The following BTBD9 variants were observed in gnomAD, a reference collection of about 807,000 sequenced individuals.
BTBD9 encodes BTB/POZ domain-containing protein 9.
BTBD9 carries 49 observed loss-of-function variants against 64.3 expected under a neutral mutation model. The ratio of observed to expected loss-of-function variants is 0.76; its 90% CI spans 0.61 to 0.97. BTBD9 has a LOEUF of 0.97. Among genes scored for constraint, BTBD9 ranks in the 50% least tolerant of loss-of-function variants. BTBD9 has a pLI of 0.00. For missense variants in BTBD9, 598 were observed against 762.1 expected (o/e 0.78, Z 2.53); for synonymous variants, 260 against 274.7 (o/e 0.95, Z 0.53).
intron 6 of BTBD9, among the ~76,000 whole-genome samples, chr6:38,550,688 C>A (rs1774758021): frequency 6.6e-6 from 1 of 152,134 alleles, no homozygotes; most frequent in Admixed American, 6.5e-5. Flanking sequence ...ATGGCAGAAT[C>A]TAAAGCAATC....
chr6:38,226,423 C>G (rs1321533877), intron 9 of BTBD9, among the ~76,000 whole-genome samples: 3 of 152,100 alleles, frequency 2.0e-5, no homozygotes, highest in African/African-American at 7.2e-5. Flanking sequence ...TGCTGCTGCT[C>G]CAACTCTGCA....
intron 1 of BTBD9, among the ~76,000 whole-genome samples, chr6:38,636,909 C>T (rs1778545736): frequency 6.6e-6 from 1 of 152,152 alleles, no homozygotes; most frequent in Admixed American, 6.5e-5. Flanking sequence ...GGAATGGGTT[C>T]TTGAGATGAG....
rs952607609 is a variant in BTBD9 at position 38,505,918 on chromosome 6, T to C, written c.1154+71682A>G. Among the ~76,000 whole-genome samples the C allele has an allele frequency of 5.2e-5, 7 of 134,986 alleles. No individual in the cohort carries two copies. The East Asian group carries it at 1.6e-3, about 31-fold the overall frequency. The allele number at this position is 134,986 out of a possible 152,430, so 88.6% of individuals were successfully genotyped here. A position where few individuals can be genotyped will look rare whatever the true frequency, so the allele number is the denominator to read the frequency against. ...AGGCAGAGGTTGCAGTGAGCTGAGA[T>C]TGTGCCACCGCATTCCAGCCTGGCA... On this transcript the variant is annotated intron_variant, in intron 6 of 10. Transcript: ENST00000481247.
chr6:38,245,727 G>T (rs150022525), intron 9 of BTBD9, among the ~76,000 whole-genome samples: 1 of 152,294 alleles, frequency 6.6e-6, no homozygotes, highest in Non-Finnish European at 1.5e-5. Context: ...AGTCAGTAGA[G>T]TGGAGTGGAA....
At chr6:38,630,587 A>C (rs1778329983) in intron 1 of BTBD9, among the ~76,000 whole-genome samples, 1 of 152,244 alleles carries the variant, frequency 6.6e-6, no homozygotes, top group Non-Finnish European at 1.5e-5. Context: ...TTATAAAAGA[A>C]TTCTTTGTAC....
intron 6 of BTBD9, among the ~76,000 whole-genome samples, chr6:38,534,147 A>G (rs1773914333): frequency 6.6e-6 from 1 of 152,072 alleles, no homozygotes; most frequent in Non-Finnish European, 1.5e-5. Context: ...CTAAGAAAAA[A>G]AGAGAGAAGA....
chr6:38,512,150 T>A (rs953502340), intron 6 of BTBD9, among the ~76,000 whole-genome samples: 1 of 152,160 alleles, frequency 6.6e-6, no homozygotes, highest in African/African-American at 2.4e-5. Flanking sequence ...ATTTTGTATT[T>A]TTAGTAGAGA....
At chr6:38,595,706 C>T in intron 2 of BTBD9, 1 of 939,708 alleles carries the variant, frequency 1.1e-6, no homozygotes, top group Non-Finnish European at 1.3e-6. Context: ...ACCTAGCATT[C>T]TTGCTTGCCC....
At position 38,172,326 on chromosome 6, in the gene BTBD9, G is replaced by C. The variant is rs1304018490; in HGVS notation, c.*2659C>G. 2 of 152,326 alleles carry C rather than the reference G, an allele frequency of 1.3e-5. No individual in the cohort carries two copies. The highest frequency in any genetic ancestry group is 1.3e-4 in the Admixed American group (2 of 15,282). The allele number at this position is 152,326 out of a possible 1,614,324, so 9.4% of individuals were successfully genotyped here. Reference sequence around the variant, plus strand: ...TGGCCCAGGGGAGAAGTGCTCTGTAGGACCAGCCAGGCTCTGGGGAACTCC... The same window carrying C: ...TGGCCCAGGGGAGAAGTGCTCTGTACGACCAGCCAGGCTCTGGGGAACTCC... On this transcript the variant is annotated 3_prime_UTR_variant, in exon 11 of 11. Coordinates refer to ENST00000481247, the MANE Select transcript of BTBD9 (RefSeq NM_001099272.2).
At chr6:38,573,165 A>ATT in intron 6 of BTBD9, among the ~76,000 whole-genome samples, 3 of 152,284 alleles carry the variant, frequency 2.0e-5, no homozygotes, top group African/African-American at 7.2e-5. Flanking sequence ...TCAAAGTAAA[A>ATT]TAGGATTTTT....
At chr6:38,534,465 T>A (rs1773927361) in intron 6 of BTBD9, among the ~76,000 whole-genome samples, 1 of 125,294 alleles carries the variant, frequency 8.0e-6, no homozygotes. Context: ...CCAATTCTAC[T>A]CAAACTGTTC....
At chr6:38,491,260 T>C (rs1310820743) in intron 6 of BTBD9, among the ~76,000 whole-genome samples, 1 of 152,166 alleles carries the variant, frequency 6.6e-6, no homozygotes, top group African/African-American at 2.4e-5. Context: ...TATCGTGAAA[T>C]AAGAATATGT....
chr6:38,527,978 ATAATAATATTATAT>A (rs1773585570), intron 6 of BTBD9, among the ~76,000 whole-genome samples: 1 of 152,138 alleles, frequency 6.6e-6, no homozygotes, highest in Non-Finnish European at 1.5e-5. Flanking sequence ...GTAAGTGATC[ATAATAATATTATAT>A]TAAGGAAAGA....
At chr6:38,322,917 G>A (rs1008241820) in intron 7 of BTBD9, among the ~76,000 whole-genome samples, 7 of 152,028 alleles carry the variant, frequency 4.6e-5, no homozygotes, top group East Asian at 1.9e-4. Context: ...TTTTCTTCAC[G>A]TACTATATCC....
intron 6 of BTBD9, among the ~76,000 whole-genome samples, chr6:38,418,670 A>T (rs927802171): frequency 1.3e-5 from 2 of 152,196 alleles, no homozygotes; most frequent in Non-Finnish European, 2.9e-5. Flanking sequence ...CCCCTCAAGA[A>T]ATTTTAGTCC....
At chr6:38,435,616 C>T (rs12199139) in intron 6 of BTBD9, among the ~76,000 whole-genome samples, 55 of 410 alleles carry the variant, frequency 0.13, 12 homozygotes, top group Middle Eastern at 1. Context: ...CCTTCCTTCC[C>T]TCCCCCTCCC....
At chr6:38,607,952 T>C (rs1159910009) in intron 1 of BTBD9, among the ~76,000 whole-genome samples, 1 of 152,174 alleles carries the variant, frequency 6.6e-6, no homozygotes, top group African/African-American at 2.4e-5. Flanking sequence ...TGAGCTTCAT[T>C]CTGATTTTAA....
chr6:38,493,994 T>C (rs1323029010), intron 6 of BTBD9, among the ~76,000 whole-genome samples: 1 of 152,220 alleles, frequency 6.6e-6, no homozygotes, highest in Non-Finnish European at 1.5e-5. Context: ...CAAACAAGTT[T>C]CCACAGCTAA....
At chr6:38,423,817 T>C (rs1382108548) in intron 6 of BTBD9, among the ~76,000 whole-genome samples, 1 of 149,992 alleles carries the variant, frequency 6.7e-6, no homozygotes. Flanking sequence ...ATTAAAAGAA[T>C]GTCTTCAGAA....
Sources: allele counts gnomAD v4.1 joint callset (sites outside exome capture counted in the v4.1 genomes callset), GRCh38; gene constraint gnomAD v4.1.1; transcripts MANE v1.5; gene names NCBI Gene and HGNC (gene_info 2026-07-23, HGNC 2026-07-21).